Variants in PTPRD observed in about 807,000 individuals in gnomAD.
The protein encoded by PTPRD is receptor-type tyrosine-protein phosphatase delta.
PTPRD carries 34 observed loss-of-function variants against 214.5 expected under a neutral mutation model. The observed-to-expected ratio is 0.16, with a 90% CI of 0.12 to 0.21. The LOEUF (loss-of-function observed/expected upper bound fraction) is 0.21. Ranked by LOEUF, PTPRD falls within the 10% of genes least tolerant of loss-of-function variation. The probability of loss-of-function intolerance (pLI) is 1.00; values close to 1 mark genes in which losing one functional copy is unlikely to be tolerated. For synonymous variants in PTPRD, 1,128 were observed against 845.7 expected, an observed-to-expected ratio of 1.33 and a Z score of -5.79; for missense variants, 2,545 against 2,398.7, an observed-to-expected ratio of 1.06 and a Z score of -1.27.
intron 9 of PTPRD, among the ~76,000 whole-genome samples, chr9:9,186,149 A>C (rs1569560046): frequency 6.6e-6 from 1 of 152,260 alleles, no homozygotes; most frequent in East Asian, 1.9e-4. Flanking sequence ...GAACAGAAGA[A>C]AATGGATTTT....
chr9:8,536,606 T>C (rs1266930636), intron 14 of PTPRD, among the ~76,000 whole-genome samples: 2 of 151,980 alleles, frequency 1.3e-5, no homozygotes, highest in Non-Finnish European at 2.9e-5. Context: ...GTAATTTTCC[T>C]AGAGAGCTGA....
intron 5 of PTPRD, among the ~76,000 whole-genome samples, chr9:9,880,027 C>G (rs6477425): frequency 0.44 from 66,132 of 151,956 alleles, 18,837 homozygotes; most frequent in East Asian, 0.85. Flanking sequence ...ATCTCTAACT[C>G]TAATCCCCAC....
At chr9:9,150,710 G>C (rs1303197929) in intron 10 of PTPRD, among the ~76,000 whole-genome samples, 1 of 151,884 alleles carries the variant, frequency 6.6e-6, no homozygotes, top group Non-Finnish European at 1.5e-5. Flanking sequence ...CTGACCTCAG[G>C]CCATCCACCT....
intron 4 of PTPRD, among the ~76,000 whole-genome samples, chr9:9,971,078 G>C (rs1435715834): frequency 6.6e-6 from 1 of 151,994 alleles, no homozygotes; most frequent in East Asian, 1.9e-4. Context: ...TTTTTAATTG[G>C]TTCTATTTGT....
rs62533168 is a variant in PTPRD, at chr9:9,463,076, G to A, written c.-236-65594C>T. ...AAAAGCCTTTGTGGCACCTAGTTTC[G>A]AAGAGACTAAATAGGAACAAAAGCC... is the stretch of plus-strand genomic sequence containing the variant. On this transcript the variant is annotated intron_variant, in intron 8 of 45. Transcript: ENST00000381196. Among the ~76,000 whole-genome samples the A allele has an allele frequency of 4.7e-5, 7 of 150,358 alleles. No individual in the cohort carries two copies. In the South Asian group the frequency reaches 6.2e-4, roughly 13 times the overall value.
At chr9:9,880,724 G>A (rs975786315) in intron 5 of PTPRD, among the ~76,000 whole-genome samples, 1 of 152,104 alleles carries the variant, frequency 6.6e-6, no homozygotes, top group African/African-American at 2.4e-5. Flanking sequence ...TATAGTAAAA[G>A]ATCTTTTTAA....
intron 11 of PTPRD, among the ~76,000 whole-genome samples, chr9:8,985,479 T>G (rs1485264478): frequency 6.6e-6 from 1 of 152,086 alleles, no homozygotes; most frequent in Non-Finnish European, 1.5e-5. Context: ...GAATTTACTG[T>G]GGGTCCTACT....
chr9:10,295,048 T>G (rs374954937), intron 3 of PTPRD, among the ~76,000 whole-genome samples: 1 of 152,016 alleles, frequency 6.6e-6, no homozygotes, highest in Non-Finnish European at 1.5e-5. Context: ...AGAGGAAAAC[T>G]TAATCGTTGA....
chr9:9,134,321 C>A (rs1423418535), intron 10 of PTPRD, among the ~76,000 whole-genome samples: 2 of 136,902 alleles, frequency 1.5e-5, no homozygotes, highest in Admixed American at 1.4e-4. Flanking sequence ...GATCCACCCG[C>A]CTCGGCCTCC....
At chr9:9,995,590 G>A (rs1236955949) in intron 4 of PTPRD, among the ~76,000 whole-genome samples, 2 of 152,068 alleles carry the variant, frequency 1.3e-5, no homozygotes, top group Admixed American at 6.6e-5. Context: ...TAGTCAGATT[G>A]CCTTTTCCTA....
intron 10 of PTPRD, among the ~76,000 whole-genome samples, chr9:9,039,205 G>A (rs781338602): frequency 5.3e-5 from 8 of 152,138 alleles, no homozygotes; most frequent in Non-Finnish European, 8.8e-5. Flanking sequence ...TATAATTGAA[G>A]TTATTTGTAT....
At chr9:9,625,558 T>C (rs1385567409) in intron 7 of PTPRD, among the ~76,000 whole-genome samples, 1 of 152,042 alleles carries the variant, frequency 6.6e-6, no homozygotes, top group Non-Finnish European at 1.5e-5. Flanking sequence ...CCTCTATTTT[T>C]TTTTTTTTTG....
chr9:9,618,743 A>T (rs943103521), intron 7 of PTPRD, among the ~76,000 whole-genome samples: 2 of 152,182 alleles, frequency 1.3e-5, no homozygotes, highest in Non-Finnish European at 1.5e-5. Flanking sequence ...GAATTTCAGG[A>T]AAGAATTTTA....
rs1342534158 is a variant in PTPRD, at chr9:8,316,042, C to A, written c.*1832G>T. On this transcript the variant is annotated 3_prime_UTR_variant, in exon 46 of 46. Coordinates refer to ENST00000381196, the MANE Select transcript of PTPRD (RefSeq NM_002839.4). ...ATTTGTTACTAAAATAAGTTTGGTG[C>A]AGTTACTGCATGTTCCAGAGCGGAT... 8.8e-6 allele frequency: 2 copies of A among 227,894 alleles called. No homozygotes were observed. Among genetic ancestry groups the A allele is most frequent in the Non-Finnish European group, 1.7e-5 (2 of 114,630 alleles). The allele number at this position is 227,894 out of a possible 1,614,324, so 14.1% of individuals were successfully genotyped here. A position where few individuals can be genotyped will look rare whatever the true frequency, so the allele number is the denominator to read the frequency against.
intron 3 of PTPRD, among the ~76,000 whole-genome samples, chr9:10,332,347 G>T (rs1254065824): frequency 6.6e-6 from 1 of 151,762 alleles, no homozygotes; most frequent in Non-Finnish European, 1.5e-5. Flanking sequence ...GAGCAAAGAG[G>T]CTTGACATTC....
intron 10 of PTPRD, among the ~76,000 whole-genome samples, chr9:9,119,434 G>C (rs2099815509): frequency 6.6e-6 from 1 of 152,064 alleles, no homozygotes; most frequent in Non-Finnish European, 1.5e-5. Flanking sequence ...CAAAATTAAA[G>C]AGATTCATAT....
intron 5 of PTPRD, among the ~76,000 whole-genome samples, chr9:9,897,467 A>G (rs1307164148): frequency 6.6e-6 from 1 of 152,070 alleles, no homozygotes; most frequent in Non-Finnish European, 1.5e-5. Context: ...GAAACCAAAA[A>G]AAGTTTATTC....
chr9:9,674,244 T>C (rs2096886908), intron 7 of PTPRD, among the ~76,000 whole-genome samples: 1 of 151,846 alleles, frequency 6.6e-6, no homozygotes, highest in Non-Finnish European at 1.5e-5. Flanking sequence ...TAGGTATTGA[T>C]ACTGTTTACA....
At chr9:10,279,370 C>T (rs2094952082) in intron 3 of PTPRD, among the ~76,000 whole-genome samples, 1 of 152,144 alleles carries the variant, frequency 6.6e-6, no homozygotes, top group Non-Finnish European at 1.5e-5. Flanking sequence ...AACAGAAATG[C>T]ATGACCCTTT....
Sources: gnomAD v4.1 joint callset for allele counts (sites outside exome capture counted in the v4.1 genomes callset) on GRCh38, gnomAD v4.1.1 for gene constraint, MANE v1.5 for transcripts, NCBI Gene and HGNC (gene_info 2026-07-23, HGNC 2026-07-21) for gene names.